Variants in AP2A2 observed in about 807,000 individuals in gnomAD.
The protein encoded by AP2A2 is adaptor related protein complex 2 subunit alpha 2, also known as AP-2 complex subunit alpha-2.
A neutral mutation model predicts 104.2 loss-of-function variants in AP2A2; 32 were observed. The observed-to-expected ratio is 0.31, with a 90% CI of 0.23 to 0.41. The LOEUF is 0.41. AP2A2 is among the 10% of genes least tolerant of loss of function. The probability of loss-of-function intolerance (pLI) is 1.00; values close to 1 mark genes in which losing one functional copy is unlikely to be tolerated. For synonymous variants in AP2A2, 539 were observed against 533.3 expected (o/e 1.01, Z -0.15); for missense variants, 912 against 1,261.0 (o/e 0.72, Z 4.19).
Position 993,883 on chromosome 11 carries a change from C to A in AP2A2, c.1680C>A (p.Asp560Glu), listed in dbSNP as rs374883321. The change falls in exon 13 of 22, where the codon GAC becomes GAA. Residue 560 changes from aspartate to glutamate, a missense_variant. Transcript: ENST00000448903. The surrounding 1 kb of genome is among the most constrained non-coding windows in gnomAD (Gnocchi z 8.2). ...CGGAGGTGAAGCCCACCATCCAGGA[C>A]GTGCTGCGCAGCGACAGCCAGCTCA... ...LFPEVKPTIQ[D>E]VLRSDSQLRN... 1.2e-6 allele frequency: 2 copies of A among 1,610,464 alleles called. No individual in the cohort carries two copies. The highest frequency in any genetic ancestry group is 8.5e-7 in the Non-Finnish European group (1 of 1,179,702).
chr11:977,025 G>C (rs926055314), intron 4 of AP2A2, 70 bp from the exon 5 acceptor site: 32 of 1,596,774 alleles, frequency 2.0e-5, no homozygotes, highest in Middle Eastern at 1.7e-4. Context: ...GCTGGCTCTG[G>C]GGGGGTGCTC....
rs1157043487 is a variant in AP2A2, at chr11:1,009,688, T to C, written c.2613T>C (p.Ile871=). ...MDTEVTKAKI[I]GFGSALLEEV... Reference sequence around the variant, plus strand: ...TCTCCTGTTTCTTTGGACAGATCATTGGATTTGGTTCTGCACTTCTTGAAG... The same window carrying C: ...TCTCCTGTTTCTTTGGACAGATCATCGGATTTGGTTCTGCACTTCTTGAAG... The change falls in exon 21 of 22, where the codon ATT becomes ATC. Residue 871 remains isoleucine (I), a synonymous_variant. Coordinates refer to ENST00000448903, the MANE Select transcript of AP2A2 (RefSeq NM_012305.4). The C allele has an allele frequency of 1.3e-6, 2 of 1,571,742 alleles. No homozygotes were observed. The highest frequency in any genetic ancestry group is 1.7e-6 in the Non-Finnish European group (2 of 1,156,822).
chr11:1,003,698 CAT>C, intron 15 of AP2A2, 22 bp from the exon 16 acceptor site: 1 of 1,546,100 alleles, frequency 6.5e-7, no homozygotes, highest in Non-Finnish European at 8.8e-7. Flanking sequence ...TTGAGTGACA[CAT>C]ATACTGTCCC....
intron 1 of AP2A2, among the ~76,000 whole-genome samples, chr11:926,350 C>T (rs1371383059): frequency 3.3e-4 from 30 of 92,078 alleles, no homozygotes; most frequent in African/African-American, 1.3e-3. Flanking sequence ...GGGTGCGGGT[C>T]AGGATGCAGA....
chr11:982,675 G>T, intron 6 of AP2A2, among the ~76,000 whole-genome samples: 1 of 150,724 alleles, frequency 6.6e-6, no homozygotes. Context: ...TTTGAGATAG[G>T]GTCTCGCTCT....
chr11:969,219 CCTTTTTTTTTTT>C (rs1406453771), intron 2 of AP2A2, among the ~76,000 whole-genome samples: 5 of 112,840 alleles, frequency 4.4e-5, no homozygotes, highest in Admixed American at 1.9e-4. Context: ...GTAGAACAGC[CCTTTTTTTTTTT>C]TTTTTTTTTT....
intron 6 of AP2A2, among the ~76,000 whole-genome samples, chr11:981,812 A>G (rs185447043): frequency 2.6e-5 from 4 of 152,348 alleles, no homozygotes; most frequent in Admixed American, 6.5e-5. Context: ...TTGCCCTCTG[A>G]GGCTGCTGTG....
rs1266140115 is a variant in AP2A2, at chr11:967,082, G to A, written c.137-3087G>A. 2.6e-5 allele frequency among the ~76,000 whole-genome samples: 4 copies of A among 152,094 alleles called. No individual in the cohort carries two copies. The East Asian group carries it at 5.9e-4, about 22-fold the overall frequency. On this transcript the variant is annotated intron_variant, in intron 2 of 21. Coordinates refer to ENST00000448903, the MANE Select transcript of AP2A2 (RefSeq NM_012305.4). ...CTCGGGAGGCAGAGGCACGAGAATC[G>A]CTTGAACCTGGGAGGTGGAGGTTGC...
At chr11:930,677 C>T (rs1365612530) in intron 1 of AP2A2, among the ~76,000 whole-genome samples, 4 of 152,188 alleles carry the variant, frequency 2.6e-5, no homozygotes, top group South Asian at 2.1e-4. Flanking sequence ...CACGCCACCA[C>T]GCCCGGCTAA....
chr11:929,072 A>G (rs1290123633), intron 1 of AP2A2, among the ~76,000 whole-genome samples: 2 of 152,238 alleles, frequency 1.3e-5, no homozygotes, highest in African/African-American at 4.8e-5. Flanking sequence ...CAGAAGACCA[A>G]GAAGGTATTA....
Position 925,937 on chromosome 11 carries a change from T to TGACGGC in AP2A2, c.-81_-76dup, listed in dbSNP as rs1483435829. 2 of 1,079,826 alleles carry TGACGGC rather than the reference T, an allele frequency of 1.9e-6. No homozygotes were observed. The highest frequency in any genetic ancestry group is 2.4e-6 in the Non-Finnish European group (2 of 820,730). 66.9% of individuals were successfully genotyped at this position (1,079,826 alleles called of 1,614,324 possible). A position where few individuals can be genotyped will look rare whatever the true frequency, so the allele number is the denominator to read the frequency against. ...CTCCCCGGCGGCTCCTCCGCGGCGG[T>TGACGGC]GACGGCGACCGCACTCCCCGCTTCC... On this transcript the variant is annotated 5_prime_UTR_variant, in exon 1 of 22. Transcript: ENST00000448903.
At chr11:963,114 A>G (rs529521953) in intron 2 of AP2A2, among the ~76,000 whole-genome samples, 67 of 152,084 alleles carry the variant, frequency 4.4e-4, no homozygotes, top group Non-Finnish European at 7.4e-4. Context: ...GTATATCTAA[A>G]ATTTCGTTGT....
intron 15 of AP2A2, among the ~76,000 whole-genome samples, chr11:1,002,561 G>A (rs1034566939): frequency 3.3e-5 from 5 of 152,264 alleles, no homozygotes; most frequent in Non-Finnish European, 5.9e-5. Context: ...AGCGGCTCTC[G>A]TGGCCGTGGC....
At chr11:990,812 T>A (rs562650500) in intron 10 of AP2A2, among the ~76,000 whole-genome samples, 1 of 58,434 alleles carries the variant, frequency 1.7e-5, no homozygotes, top group African/African-American at 6.6e-5. Context: ...GGTGCTCCCC[T>A]CACCCCATCC....
At chr11:949,004 T>C (rs766851910) in intron 1 of AP2A2, among the ~76,000 whole-genome samples, 74 of 151,822 alleles carry the variant, frequency 4.9e-4, no homozygotes, top group Non-Finnish European at 8.4e-4. Context: ...TTAATACCAG[T>C]CCTGGCCGGG....
chr11:954,764 T>C (rs1317376622), intron 1 of AP2A2, among the ~76,000 whole-genome samples: 1 of 151,938 alleles, frequency 6.6e-6, no homozygotes, highest in East Asian at 1.9e-4. Flanking sequence ...TGTTGAAAAT[T>C]GGGCAATTAA....
chr11:984,086 G>A (rs1323024285), intron 6 of AP2A2, among the ~76,000 whole-genome samples: 3 of 152,224 alleles, frequency 2.0e-5, no homozygotes, highest in African/African-American at 7.2e-5. Context: ...GGAGACATCG[G>A]GCTGTATGTC....
At chr11:959,845 C>G (rs1854370561) in intron 2 of AP2A2, among the ~76,000 whole-genome samples, 1 of 152,186 alleles carries the variant, frequency 6.6e-6, no homozygotes. Context: ...CCGAACGCCT[C>G]CTGCTGACGG....
At chr11:963,539 C>G (rs1192269777) in intron 2 of AP2A2, among the ~76,000 whole-genome samples, 1 of 152,216 alleles carries the variant, frequency 6.6e-6, no homozygotes, top group Non-Finnish European at 1.5e-5. Flanking sequence ...GGCTGTTTCA[C>G]TTGCTCACTG....
Sources: gnomAD v4.1 joint callset for allele counts (sites outside exome capture counted in the v4.1 genomes callset) on GRCh38, gnomAD v4.1.1 for gene constraint, Gnocchi (gnomAD v3.1) non-coding constraint, MANE v1.5 for transcripts, NCBI Gene and HGNC (gene_info 2026-07-23, HGNC 2026-07-21) for gene names.